Variants in PDGFC observed in about 807,000 individuals in gnomAD.
The protein encoded by PDGFC is platelet-derived growth factor C.
Under a neutral mutation model 35.5 loss-of-function variants are expected in PDGFC, and 12 were observed. The observed-to-expected ratio is 0.34, with a 90% CI of 0.22 to 0.55. The LOEUF is 0.55. Among genes scored for constraint, PDGFC ranks in the 20% least tolerant of loss-of-function variants. PDGFC has a pLI of 0.91. For synonymous variants in PDGFC, 159 were observed against 148.8 expected (o/e 1.07, Z -0.50); for missense variants, 322 against 412.4 (o/e 0.78, Z 1.90).
intron 1 of PDGFC, among the ~76,000 whole-genome samples, chr4:156,929,606 GA>G (rs1401493115): frequency 2.6e-5 from 4 of 152,248 alleles, no homozygotes; most frequent in East Asian, 1.9e-4. Flanking sequence ...GTTATCCAAA[GA>G]GACAAAATCT....
At chr4:156,874,822 T>A (rs898780375) in intron 1 of PDGFC, among the ~76,000 whole-genome samples, 3 of 151,860 alleles carry the variant, frequency 2.0e-5, no homozygotes, top group East Asian at 1.9e-4. Flanking sequence ...GCTCACACCA[T>A]CCTCCCACCT....
intron 2 of PDGFC, among the ~76,000 whole-genome samples, chr4:156,837,605 C>A (rs1450522402): frequency 1.3e-5 from 2 of 151,980 alleles, no homozygotes; most frequent in Admixed American, 1.3e-4. Context: ...AAGGGCATGA[C>A]ACAAAAAATG....
chr4:156,915,325 C>A (rs1731133201), intron 1 of PDGFC, among the ~76,000 whole-genome samples: 1 of 152,098 alleles, frequency 6.6e-6, no homozygotes, highest in Admixed American at 6.5e-5. Context: ...CTAAGGTGGT[C>A]ATCAGTTTCT....
In PDGFC at chr4:156,890,077, G is replaced by T. The variant is rs146975021; in HGVS notation, c.119-39661C>A. Among the ~76,000 whole-genome samples, 13 of 152,120 alleles carry T rather than the reference G, an allele frequency of 8.5e-5. 1 individual carries two copies. In the East Asian group the frequency reaches 2.3e-3, roughly 27 times the overall value. On this transcript the variant is annotated intron_variant, in intron 1 of 5. Transcript: ENST00000502773. ...AATATGTATTAAATATCTACACCTT[G>T]TTAGTTCATGAGGTTACAGAAAGGG...
chr4:156,909,073 T>C (rs1487545615), intron 1 of PDGFC, among the ~76,000 whole-genome samples: 1 of 152,136 alleles, frequency 6.6e-6, no homozygotes, highest in Admixed American at 6.6e-5. Flanking sequence ...GAATAAGGCA[T>C]ATGGGGGAAT....
intron 3 of PDGFC, among the ~76,000 whole-genome samples, chr4:156,789,573 T>G (rs571002752): frequency 5.9e-5 from 9 of 152,264 alleles, no homozygotes; most frequent in African/African-American, 1.9e-4. Context: ...CTAGCTGCTT[T>G]TATTGAAAAT....
At chr4:156,804,138 C>A (rs1731690391) in intron 3 of PDGFC, among the ~76,000 whole-genome samples, 2 of 151,842 alleles carry the variant, frequency 1.3e-5, no homozygotes, top group Admixed American at 1.3e-4. Context: ...CTAATCTATT[C>A]ATATAAAATT....
chr4:156,942,308 G>A (rs1241699779), intron 1 of PDGFC, among the ~76,000 whole-genome samples: 1 of 151,922 alleles, frequency 6.6e-6, no homozygotes, highest in Non-Finnish European at 1.5e-5. Flanking sequence ...TTCCAACATC[G>A]AATGTACTTT....
chr4:156,949,232 A>G (rs1420990618), intron 1 of PDGFC, among the ~76,000 whole-genome samples: 3 of 151,990 alleles, frequency 2.0e-5, no homozygotes, highest in Middle Eastern at 3.2e-3. Context: ...AAATATGTGT[A>G]TAATATAGAA....
At chr4:156,922,757 C>A (rs1731316553) in intron 1 of PDGFC, among the ~76,000 whole-genome samples, 1 of 152,016 alleles carries the variant, frequency 6.6e-6, no homozygotes, top group African/African-American at 2.4e-5. Context: ...GGGGGTGTTC[C>A]ACATGAGCCA....
At chr4:156,906,770 A>T (rs560454473) in intron 1 of PDGFC, among the ~76,000 whole-genome samples, 52 of 152,272 alleles carry the variant, frequency 3.4e-4, no homozygotes, top group African/African-American at 1.3e-3. Context: ...GTTCTGAGGG[A>T]GTCACAACAA....
intron 3 of PDGFC, among the ~76,000 whole-genome samples, chr4:156,783,200 G>T (rs1375347239): frequency 1.3e-5 from 2 of 152,156 alleles, no homozygotes; most frequent in Non-Finnish European, 2.9e-5. Flanking sequence ...TTGCTATTAG[G>T]GGGAGAGTAG....
At chr4:156,796,462 T>A (rs1731443005) in intron 3 of PDGFC, among the ~76,000 whole-genome samples, 1 of 151,240 alleles carries the variant, frequency 6.6e-6, no homozygotes, top group South Asian at 2.1e-4. Flanking sequence ...TGGGGAAAAT[T>A]AGGCGGACAG....
At chr4:156,916,443 T>C (rs1731158258) in intron 1 of PDGFC, among the ~76,000 whole-genome samples, 1 of 152,204 alleles carries the variant, frequency 6.6e-6, no homozygotes, top group Admixed American at 6.5e-5. Flanking sequence ...ACTATTGCTT[T>C]CCACAACTCT....
chr4:156,828,072 T>A (rs936589846), intron 2 of PDGFC, among the ~76,000 whole-genome samples: 9 of 152,318 alleles, frequency 5.9e-5, no homozygotes, highest in African/African-American at 2.2e-4. Context: ...AAATGTTATA[T>A]AATATAATAC....
intron 1 of PDGFC, among the ~76,000 whole-genome samples, chr4:156,934,983 G>GT (rs1438316043): frequency 1.3e-5 from 2 of 152,040 alleles, no homozygotes; most frequent in East Asian, 3.9e-4. Context: ...TACAGTTAAC[G>GT]TTTTTTTGTT....
At chr4:156,907,368 C>T (rs949554820) in intron 1 of PDGFC, among the ~76,000 whole-genome samples, 12 of 151,810 alleles carry the variant, frequency 7.9e-5, no homozygotes, top group South Asian at 2.1e-4. Context: ...AAATGCATGC[C>T]AAAAATGCAA....
At chr4:156,778,817 G>T (rs1294980517) in intron 3 of PDGFC, among the ~76,000 whole-genome samples, 1 of 152,082 alleles carries the variant, frequency 6.6e-6, no homozygotes, top group African/African-American at 2.4e-5. Flanking sequence ...AAAACTATTA[G>T]GGCCTACAAA....
At chr4:156,825,551 AAATAATAATAATAATAATAATAATAAT>A (rs565531965) in intron 2 of PDGFC, among the ~76,000 whole-genome samples, 14 of 93,954 alleles carry the variant, frequency 1.5e-4, no homozygotes, top group African/African-American at 5.3e-4. Context: ...CCCTGTCTCC[AAATAATAATAATAATAATAATAATAAT>A]AATAATAATA....
Sources: allele counts gnomAD v4.1 joint callset (sites outside exome capture counted in the v4.1 genomes callset), GRCh38; gene constraint gnomAD v4.1.1; transcripts MANE v1.5; gene names NCBI Gene and HGNC (gene_info 2026-07-23, HGNC 2026-07-21).